Variants in DLGAP4 observed in about 807,000 individuals in gnomAD.
The protein encoded by DLGAP4 is disks large-associated protein 4.
In DLGAP4, 18 loss-of-function variants were observed where a neutral mutation model predicts 86.9. The observed-to-expected ratio is 0.21, with a 90% CI of 0.14 to 0.31. The LOEUF is 0.31. Ranked by LOEUF, DLGAP4 falls within the 10% of genes least tolerant of loss-of-function variation. The probability of loss-of-function intolerance (pLI) is 1.00; values close to 1 mark genes in which losing one functional copy is unlikely to be tolerated. For missense variants in DLGAP4, 1,085 were observed against 1,362.6 expected (o/e 0.80, Z 3.21); for synonymous variants, 548 against 574.3 (o/e 0.95, Z 0.65).
chr20:36,520,530 A>C (rs2037311349), intron 10 of DLGAP4, among the ~76,000 whole-genome samples: 1 of 152,026 alleles, frequency 6.6e-6, no homozygotes, highest in African/African-American at 2.4e-5. Flanking sequence ...TATTCTTAGT[A>C]GAGACAGGGT....
intron 7 of DLGAP4, among the ~76,000 whole-genome samples, chr20:36,481,339 A>G (rs576729725): frequency 6.6e-6 from 1 of 152,172 alleles, no homozygotes; most frequent in East Asian, 1.9e-4. Flanking sequence ...TGTGTATTTG[A>G]CAGTCTTTTA....
intron 2 of DLGAP4, among the ~76,000 whole-genome samples, chr20:36,392,767 A>T (rs937911040): frequency 1.1e-4 from 16 of 152,238 alleles, no homozygotes; most frequent in Non-Finnish European, 2.4e-4. Flanking sequence ...ATTGTAACAG[A>T]CGGGACCCAA....
At chr20:36,470,918 A>G (rs2034632843) in intron 7 of DLGAP4, among the ~76,000 whole-genome samples, 1 of 152,098 alleles carries the variant, frequency 6.6e-6, no homozygotes, top group Admixed American at 6.5e-5. Context: ...TGCTGCTGTA[A>G]ACAGTGCTGC....
chr20:36,433,912 C>T (rs2033199097), intron 3 of DLGAP4, among the ~76,000 whole-genome samples: 1 of 151,766 alleles, frequency 6.6e-6, no homozygotes. Context: ...TCCCAAAGTG[C>T]AGGGATTACA....
intron 10 of DLGAP4, among the ~76,000 whole-genome samples, chr20:36,509,087 A>G (rs1443612973): frequency 6.6e-6 from 1 of 152,230 alleles, no homozygotes; most frequent in African/African-American, 2.4e-5. Flanking sequence ...ACTTCTGTGA[A>G]TTACTTGTAT....
intron 7 of DLGAP4, chr20:36,461,662 C>CG (rs2034063011): frequency 4.1e-6 from 1 of 241,782 alleles, no homozygotes; most frequent in Non-Finnish European, 6.2e-6. Context: ...GGGGCCGCCC[C>CG]GCCCGGCCCG....
intron 10 of DLGAP4, chr20:36,510,790 C>T (rs997132471): frequency 1.3e-5 from 2 of 152,206 alleles, no homozygotes; most frequent in African/African-American, 4.8e-5. Context: ...TTCCTGACCT[C>T]AAGTGATCCA....
intron 7 of DLGAP4, among the ~76,000 whole-genome samples, chr20:36,451,227 T>C (rs2033727645): frequency 6.6e-6 from 1 of 152,172 alleles, no homozygotes; most frequent in African/African-American, 2.4e-5. Context: ...GCCATACCCA[T>C]AATTGTTTTT....
At chr20:36,462,561 C>G in intron 7 of DLGAP4, 1 of 1,601,576 alleles carries the variant, frequency 6.2e-7, no homozygotes, top group Non-Finnish European at 8.5e-7. Flanking sequence ...GACCCCCATC[C>G]GGCCCTCATG....
chr20:36,328,960 G>T (rs565661491), intron 1 of DLGAP4, among the ~76,000 whole-genome samples: 1 of 152,256 alleles, frequency 6.6e-6, no homozygotes, highest in African/African-American at 2.4e-5. Context: ...ATTTTTAGTA[G>T]AGATGGGGTG....
chr20:36,389,126 G>A (rs148420553), intron 2 of DLGAP4, among the ~76,000 whole-genome samples: 1 of 152,328 alleles, frequency 6.6e-6, no homozygotes, highest in African/African-American at 2.4e-5. Flanking sequence ...GGCGATGCCT[G>A]TTAGACATCC....
At chr20:36,437,141 C>G (rs754907749) in intron 4 of DLGAP4, among the ~76,000 whole-genome samples, 16 of 152,324 alleles carry the variant, frequency 1.1e-4, no homozygotes, top group African/African-American at 3.8e-4. Flanking sequence ...TAAGTGAACC[C>G]GCCATCAGGT....
At chr20:36,521,073 G>A (rs562563565) in intron 10 of DLGAP4, among the ~76,000 whole-genome samples, 1 of 152,224 alleles carries the variant, frequency 6.6e-6, no homozygotes, top group Admixed American at 6.5e-5. Flanking sequence ...CCTCACCTTG[G>A]CCTCCCAAAG....
In DLGAP4 at chr20:36,308,666, G is replaced by A. The variant is rs562740907; in HGVS notation, c.-304+2154G>A. On this transcript the variant is annotated intron_variant, in intron 1 of 12. Transcript: ENST00000339266. This position sits in a 1 kb window ranked among gnomAD's most constrained non-coding sequence, Gnocchi z 4.5. ...GTGTGGTTTGTGAGCCACAGGCTTC[G>A]TAAATGCCAGCAGTTTCACATGATG... 6.6e-6 allele frequency among the ~76,000 whole-genome samples: 1 copy of A among 152,300 alleles called. No homozygotes were observed. The highest frequency in any genetic ancestry group is 1.9e-4 in the East Asian group (1 of 5,186).
chr20:36,376,322 T>G (rs540580111), intron 2 of DLGAP4, among the ~76,000 whole-genome samples: 1 of 152,084 alleles, frequency 6.6e-6, no homozygotes, highest in African/African-American at 2.4e-5. Context: ...AATACAAAAA[T>G]TAGCTGGGTG....
chr20:36,509,177 C>CTT (rs1031436416), intron 10 of DLGAP4, among the ~76,000 whole-genome samples: 126 of 152,324 alleles, frequency 8.3e-4, no homozygotes, highest in Middle Eastern at 3.4e-3. Context: ...AATCCCAGCA[C>CTT]TTTGGGAGGC....
At chr20:36,397,322 G>A (rs1271712058) in intron 2 of DLGAP4, among the ~76,000 whole-genome samples, 1 of 152,168 alleles carries the variant, frequency 6.6e-6, no homozygotes, top group Non-Finnish European at 1.5e-5. Context: ...ACACAGAAAC[G>A]AAATAGCGAG....
chr20:36,493,059 C>G (rs970108862), intron 7 of DLGAP4: 6 of 151,746 alleles, frequency 4.0e-5, no homozygotes, highest in African/African-American at 1.5e-4. Flanking sequence ...TACCCACAGG[C>G]CCAGTTGTGT....
At chr20:36,429,398 CTTTTTTTTTTTT>C (rs151254062) in intron 2 of DLGAP4, among the ~76,000 whole-genome samples, 8 of 76,048 alleles carry the variant, frequency 1.1e-4, no homozygotes, top group African/African-American at 4.1e-4. Flanking sequence ...TTCTTTTTTT[CTTTTTTTTTTTT>C]TTTTTTTTTT....
Sources: gnomAD v4.1 joint callset for allele counts (sites outside exome capture counted in the v4.1 genomes callset) on GRCh38, gnomAD v4.1.1 for gene constraint, Gnocchi (gnomAD v3.1) non-coding constraint, MANE v1.5 for transcripts, NCBI Gene and HGNC (gene_info 2026-07-23, HGNC 2026-07-21) for gene names.